Variants in ST7 observed in about 807,000 individuals in gnomAD.
ST7 encodes the protein suppression of tumorigenicity 7.
A neutral mutation model predicts 78.7 loss-of-function variants in ST7; 28 were observed. That is an observed-to-expected ratio of 0.36 (90% CI 0.26 to 0.49). The LOEUF is 0.49. ST7 is among the 20% of genes least tolerant of loss of function. The pLI is 0.99. For synonymous variants in ST7, 247 were observed against 249.6 expected (o/e 0.99, Z 0.10); for missense variants, 418 against 696.0 (o/e 0.60, Z 4.49).
chr7:116,979,910 A>G (rs1412725586), intron 1 of ST7, among the ~76,000 whole-genome samples: 2 of 143,994 alleles, frequency 1.4e-5, no homozygotes, highest in Middle Eastern at 3.5e-3. Context: ...ATGTAACTTT[A>G]TTATATTTAT....
At chr7:117,145,025 C>A (rs530213244) in intron 9 of ST7, among the ~76,000 whole-genome samples, 1 of 152,034 alleles carries the variant, frequency 6.6e-6, no homozygotes, top group African/African-American at 2.4e-5. Context: ...CGTGGTAAAA[C>A]CCCATCTCTA....
intron 3 of ST7, among the ~76,000 whole-genome samples, chr7:117,120,162 T>G (rs752200500): frequency 2.0e-5 from 3 of 152,160 alleles, no homozygotes; most frequent in Non-Finnish European, 4.4e-5. Context: ...ACTCCTGGGC[T>G]CAAGTAATCT....
chr7:117,008,898 A>G (rs1033830160), intron 1 of ST7, among the ~76,000 whole-genome samples: 2 of 152,172 alleles, frequency 1.3e-5, no homozygotes, highest in African/African-American at 2.4e-5. Context: ...ACATTTTTAA[A>G]TCGCTGAAAA....
At chr7:117,105,153 G>A (rs1317507247) in intron 2 of ST7, among the ~76,000 whole-genome samples, 1 of 152,182 alleles carries the variant, frequency 6.6e-6, no homozygotes, top group East Asian at 1.9e-4. Flanking sequence ...GAAAAAGAAT[G>A]TTCTGTTATT....
At chr7:117,041,023 T>C (rs1217519870) in intron 1 of ST7, among the ~76,000 whole-genome samples, 7 of 152,146 alleles carry the variant, frequency 4.6e-5, no homozygotes, top group Admixed American at 3.9e-4. Context: ...AAAGTTACCA[T>C]TGGTAGATGG....
In ST7 at chr7:117,115,624, G is replaced by A. The variant is rs560513517; in HGVS notation, c.235-3937G>A. On this transcript the variant is annotated intron_variant, in intron 2 of 15. Coordinates refer to ENST00000323984, the MANE Select transcript of ST7 (RefSeq NM_001369598.1). The stretch of plus-strand genomic sequence containing the variant: ...CCGCCTTGGCCTCCCAAAGTGTTGC[G>A]ATTACAGGCATGAGCCACCGCGCCC... Among the ~76,000 whole-genome samples, 412 of 149,524 alleles carry A rather than the reference G, an allele frequency of 2.8e-3. 3 individuals carry two copies. Among genetic ancestry groups the A allele is most frequent in the African/African-American group, 9.7e-3 (395 of 40,666 alleles).
intron 13 of ST7, among the ~76,000 whole-genome samples, chr7:117,212,794 A>T (rs1417633860): frequency 1.3e-5 from 2 of 152,210 alleles, no homozygotes; most frequent in Non-Finnish European, 2.9e-5. Context: ...AAAAAATAAT[A>T]TCTCATTACA....
intron 1 of ST7, among the ~76,000 whole-genome samples, chr7:116,984,563 G>A (rs1794108939): frequency 6.6e-6 from 1 of 152,146 alleles, no homozygotes; most frequent in Non-Finnish European, 1.5e-5. Flanking sequence ...AGGGGGTGGG[G>A]TAGATGAGGA....
intron 10 of ST7, among the ~76,000 whole-genome samples, chr7:117,180,546 G>A (rs1229412673): frequency 6.6e-6 from 1 of 152,156 alleles, no homozygotes; most frequent in African/African-American, 2.4e-5. Context: ...TTATCCTGTA[G>A]CTATAGTTAA....
At chr7:116,972,894 G>A in intron 1 of ST7, 1 of 1,332,572 alleles carries the variant, frequency 7.5e-7, no homozygotes, top group Non-Finnish European at 1.1e-6. Flanking sequence ...CCGCCTCGAT[G>A]GTGGTGATCC....
chr7:117,156,309 G>A (rs1423141501), intron 9 of ST7, among the ~76,000 whole-genome samples: 1 of 152,180 alleles, frequency 6.6e-6, no homozygotes, highest in Non-Finnish European at 1.5e-5. Context: ...AAAAGAAATG[G>A]TATAATCAAG....
At chr7:117,178,361 G>C (rs1300687466) in intron 10 of ST7, among the ~76,000 whole-genome samples, 1 of 152,174 alleles carries the variant, frequency 6.6e-6, no homozygotes, top group African/African-American at 2.4e-5. Flanking sequence ...GGCGAAGCGA[G>C]ATGAATCAGT....
rs761471921 is a variant in ST7 at position 117,010,733 on chromosome 7, CAT to C, written c.151+57043_151+57044del. Among the ~76,000 whole-genome samples the C allele has an allele frequency of 7.2e-5, 11 of 152,122 alleles. No homozygotes were observed. The East Asian group carries it at 1.7e-3, about 24-fold the overall frequency. ...ATAATCCAACCCTGGTATTTTAAAA[CAT>C]GTGTAATAACAAAGTCGGTTATTGT... On this transcript the variant is annotated intron_variant, in intron 1 of 15. Transcript: ENST00000323984.
intron 10 of ST7, among the ~76,000 whole-genome samples, chr7:117,174,211 G>A (rs1390643536): frequency 6.6e-6 from 1 of 152,092 alleles, no homozygotes; most frequent in East Asian, 1.9e-4. Flanking sequence ...TCATACTCTT[G>A]TATTTTCAAT....
chr7:116,992,485 G>A (rs951992140), intron 1 of ST7, among the ~76,000 whole-genome samples: 5 of 152,152 alleles, frequency 3.3e-5, no homozygotes, highest in South Asian at 4.1e-4. Context: ...TTTCAGTCAC[G>A]GCTGGAGCAG....
chr7:116,997,483 CAG>C (rs892088898), intron 1 of ST7, among the ~76,000 whole-genome samples: 1 of 152,186 alleles, frequency 6.6e-6, no homozygotes, highest in Non-Finnish European at 1.5e-5. Flanking sequence ...TAGCTAGACA[CAG>C]AGCACTGATT....
intron 1 of ST7, among the ~76,000 whole-genome samples, chr7:117,029,595 A>C (rs1796371128): frequency 6.6e-6 from 1 of 152,014 alleles, no homozygotes; most frequent in Non-Finnish European, 1.5e-5. Context: ...CCAGTTTATC[A>C]ATTTCTTCTG....
At chr7:117,031,236 A>G (rs1796458901) in intron 1 of ST7, among the ~76,000 whole-genome samples, 1 of 151,982 alleles carries the variant, frequency 6.6e-6, no homozygotes, top group African/African-American at 2.4e-5. Flanking sequence ...AAACCCACAA[A>G]AAACTTTTGG....
At chr7:117,063,570 G>A (rs530583719) in intron 1 of ST7, among the ~76,000 whole-genome samples, 2 of 152,250 alleles carry the variant, frequency 1.3e-5, no homozygotes, top group East Asian at 3.9e-4. Context: ...TTAGCTGGGT[G>A]TGGTGGCATG....
Sources: allele counts gnomAD v4.1 joint callset (sites outside exome capture counted in the v4.1 genomes callset), GRCh38; gene constraint gnomAD v4.1.1; transcripts MANE v1.5; gene names NCBI Gene and HGNC (gene_info 2026-07-23, HGNC 2026-07-21).